The following CHRNA3 variants were observed in gnomAD, a reference collection of about 807,000 sequenced individuals.
CHRNA3 encodes the protein neuronal acetylcholine receptor subunit alpha-3.
In CHRNA3, 34 loss-of-function variants were observed where a neutral mutation model predicts 41.9. That is an observed-to-expected ratio of 0.81 (90% CI 0.62 to 1.08). The LOEUF (loss-of-function observed/expected upper bound fraction) is 1.08, where lower values mean the gene tolerates loss of function less well. Among genes scored for constraint, CHRNA3 ranks in the 50% least tolerant of loss-of-function variants. The pLI is 0.00. For synonymous variants in CHRNA3, 281 were observed against 265.2 expected, an observed-to-expected ratio of 1.06 and a Z score of -0.58; for missense variants, 542 against 638.3, an observed-to-expected ratio of 0.85 and a Z score of 1.63.
intron 5 of CHRNA3, among the ~76,000 whole-genome samples, chr15:78,598,955 T>G (rs1343120210): frequency 2.0e-5 from 3 of 151,150 alleles, no homozygotes; most frequent in Non-Finnish European, 2.9e-5. Context: ...TGCCTCAGAC[T>G]CCCGAGTAGC....
chr15:78,611,081 A>G (rs1398914665), intron 4 of CHRNA3, among the ~76,000 whole-genome samples: 3 of 152,188 alleles, frequency 2.0e-5, no homozygotes, highest in African/African-American at 7.2e-5. Flanking sequence ...AATAATCAAT[A>G]GCTTACCAAC....
chr15:78,596,819 T>C, intron 5 of CHRNA3, 87 bp from the exon 6 acceptor site: 1 of 1,486,676 alleles, frequency 6.7e-7, no homozygotes, highest in South Asian at 1.4e-5. Flanking sequence ...ATCAACACGT[T>C]GCAGTAGAAG....
intron 1 of CHRNA3, chr15:78,620,408 C>A: frequency 7.5e-6 from 2 of 268,196 alleles, no homozygotes; most frequent in Non-Finnish European, 1.4e-5. Flanking sequence ...GACGCGAATC[C>A]CCAACTCCTG....
intron 5 of CHRNA3, among the ~76,000 whole-genome samples, chr15:78,601,001 C>T (rs1315144468): frequency 6.6e-6 from 1 of 152,158 alleles, no homozygotes; most frequent in African/African-American, 2.4e-5. Context: ...GTCCAGCCTG[C>T]CAGCCTGCTG....
intron 4 of CHRNA3, among the ~76,000 whole-genome samples, chr15:78,613,858 A>C (rs1490238410): frequency 4.0e-5 from 6 of 151,710 alleles, no homozygotes; most frequent in African/African-American, 1.5e-4. Flanking sequence ...AGGTAGGAGA[A>C]TGGCGTGAAC....
chr15:78,596,822 A>C, intron 5 of CHRNA3, 90 bp from the exon 6 acceptor site: 1 of 1,475,690 alleles, frequency 6.8e-7, no homozygotes, highest in South Asian at 1.4e-5. Context: ...AACACGTTGC[A>C]GTAGAAGCCA....
At chr15:78,601,154 C>T in intron 5 of CHRNA3, 99 bp downstream of exon 5, 3 of 1,232,304 alleles carry the variant, frequency 2.4e-6, no homozygotes, top group South Asian at 2.9e-5. Flanking sequence ...CTCCAGAGGG[C>T]AATTTCTTAA....
In CHRNA3 at chr15:78,620,864, T is replaced by A. The variant is rs1309665630; in HGVS notation, c.-70A>T. 7.6e-7 allele frequency: 1 copy of A among 1,316,424 alleles called. No homozygotes were observed. Among genetic ancestry groups the A allele is most frequent in the African/African-American group, 1.6e-5 (1 of 64,080 alleles). The allele number at this position is 1,316,424 out of a possible 1,614,324, so 81.5% of individuals were successfully genotyped here. A position where few individuals can be genotyped will look rare whatever the true frequency, so the allele number is the denominator to read the frequency against. ...GCGCGGCGGTCGCAGAGACGGCCTC[T>A]CCCCGCGCGGCTCCAGCGCAGACCC... On this transcript the variant is annotated 5_prime_UTR_variant, in exon 1 of 6. Transcript: ENST00000326828.
intron 5 of CHRNA3, among the ~76,000 whole-genome samples, chr15:78,597,238 GTGAAACCCTGT>G (rs1280770908): frequency 2.0e-5 from 3 of 152,232 alleles, no homozygotes; most frequent in Non-Finnish European, 2.9e-5. Context: ...GGCCAACATG[GTGAAACCCTGT>G]TGAAACCCTG....
chr15:78,611,782 C>G (rs530559519), intron 4 of CHRNA3, among the ~76,000 whole-genome samples: 1 of 151,988 alleles, frequency 6.6e-6, no homozygotes, highest in East Asian at 1.9e-4. Context: ...GTCAAATTGT[C>G]CCTGTTTGCA....
In CHRNA3 at chr15:78,596,300, T is replaced by C; in HGVS notation, c.*304A>G. 1 of 1,013,094 alleles carries C rather than the reference T, an allele frequency of 9.9e-7. No individual in the cohort carries two copies. Among genetic ancestry groups the C allele is most frequent in the Non-Finnish European group, 1.2e-6 (1 of 848,354 alleles). The allele number at this position is 1,013,094 out of a possible 1,614,324, so 62.8% of individuals were successfully genotyped here. Reference sequence around the variant, plus strand: ...CAGCATTTTTCTATCCAGTTTTGTTTCAACAACTAAAAGGAAACATTTTTA... The same window carrying C: ...CAGCATTTTTCTATCCAGTTTTGTTCCAACAACTAAAAGGAAACATTTTTA... On this transcript the variant is annotated 3_prime_UTR_variant, in exon 6 of 6. Transcript: ENST00000326828.
Position 78,601,857 on chromosome 15 carries a change from A to C in CHRNA3, c.785T>G (p.Val262Gly). The C allele has an allele frequency of 6.2e-7, 1 of 1,614,124 alleles. No individual in the cohort carries two copies. Among genetic ancestry groups the C allele is most frequent in the Non-Finnish European group, 8.5e-7 (1 of 1,180,006 alleles). ...CLLISFLTVLVFYLPSDCGEK... is the reference protein window; with the variant it reads ...CLLISFLTVLGFYLPSDCGEK... ...ACCGCAGTCGGAGGGCAGGTAGAAG[A>C]CGAGCACAGTGAGGAAGGAGATGAG... The change falls in exon 5 of 6, where the codon GTC becomes GGC. Residue 262 changes from valine to glycine, a missense_variant. Coordinates refer to ENST00000326828, the MANE Select transcript of CHRNA3 (RefSeq NM_000743.5).
At chr15:78,619,568 G>A (rs2141347892) in intron 1 of CHRNA3, among the ~76,000 whole-genome samples, 1 of 151,926 alleles carries the variant, frequency 6.6e-6, no homozygotes, top group Non-Finnish European at 1.5e-5. Flanking sequence ...CTGTAGGGGT[G>A]GCCACCAGCC....
chr15:78,594,233 G>A (rs1395833097), downstream of CHRNA3: 2 of 152,074 alleles, frequency 1.3e-5, no homozygotes, highest in African/African-American at 4.8e-5. Context: ...CTGTGGACAC[G>A]CAGTAGCATA....
chr15:78,605,502 C>T (rs932354845), intron 4 of CHRNA3, among the ~76,000 whole-genome samples: 29 of 141,536 alleles, frequency 2.0e-4, no homozygotes, highest in African/African-American at 6.8e-4. Flanking sequence ...AGTGGCTGCC[C>T]CTCAAAAGAC....
At chr15:78,602,432 G>A (rs2053220819) in intron 4 of CHRNA3, among the ~76,000 whole-genome samples, 168 bp from the exon 5 acceptor site, 1 of 152,106 alleles carries the variant, frequency 6.6e-6, no homozygotes, top group African/African-American at 2.4e-5. Flanking sequence ...TTACCAACAG[G>A]GATACTGAGG....
intron 1 of CHRNA3, 152 bp from the exon 2 acceptor site, chr15:78,619,067 G>T: frequency 1.1e-6 from 1 of 881,268 alleles, no homozygotes; most frequent in Admixed American, 2.8e-5. Flanking sequence ...AACCCAGTGG[G>T]TTACAAAATG....
Position 78,601,948 on chromosome 15 carries a change from T to G in CHRNA3, c.694A>C (p.Thr232Pro), listed in dbSNP as rs199955606. The change falls in exon 5 of 6, where the codon ACA (threonine) becomes CCA (proline). Residue 232 changes from threonine to proline, a missense_variant. Transcript: ENST00000326828. ...NCCEEIYPDI[T>P]YSLYIRRLPL... The stretch of plus-strand genomic sequence containing the variant: ...AGGCGCCGGATGTACAGCGAGTATG[T>G]GATGTCGGGGTAGATCTCCTCGCAG... 2 of 1,613,520 alleles carry G rather than the reference T, an allele frequency of 1.2e-6. No homozygotes were observed. Among genetic ancestry groups the G allele is most frequent in the Non-Finnish European group, 1.7e-6 (2 of 1,179,604 alleles).
chr15:78,600,777 G>A (rs1183058341), intron 5 of CHRNA3, among the ~76,000 whole-genome samples: 2 of 151,144 alleles, frequency 1.3e-5, no homozygotes, highest in Non-Finnish European at 2.9e-5. Context: ...ACTGAGGTGG[G>A]AGAATCGCTT....
Sources: allele counts gnomAD v4.1 joint callset (sites outside exome capture counted in the v4.1 genomes callset), GRCh38; gene constraint gnomAD v4.1.1; transcripts MANE v1.5; gene names NCBI Gene and HGNC (gene_info 2026-07-23, HGNC 2026-07-21).